PRELID2: variants seen among roughly 807,000 people sequenced by gnomAD.
PRELID2 encodes PRELI domain-containing protein 2.
A neutral mutation model predicts 28.4 loss-of-function variants in PRELID2; 25 were observed. The observed-to-expected ratio is 0.88, with a 90% CI of 0.64 to 1.23. PRELID2 has a LOEUF of 1.23. Among genes scored for constraint, PRELID2 ranks in the 50% most tolerant of loss-of-function variants. The probability of loss-of-function intolerance (pLI) is 0.00; values close to 1 mark genes in which losing one functional copy is unlikely to be tolerated. For synonymous variants in PRELID2, 76 were observed against 71.6 expected, an observed-to-expected ratio of 1.06 and a Z score of -0.31; for missense variants, 201 against 214.4, an observed-to-expected ratio of 0.94 and a Z score of 0.39.
At chr5:145,305,009 A>T in the PRELID2 span, among the ~76,000 whole-genome samples, 1 of 152,206 alleles carries the variant, frequency 6.6e-6, no homozygotes, top group East Asian at 1.9e-4. Context: ...AGAATTTTTT[A>T]AATTTATATC....
At chr5:145,796,082 G>C in intron 5 of PRELID2, 1 of 161,282 alleles carries the variant, frequency 6.2e-6, no homozygotes, top group Middle Eastern at 3.1e-3. Context: ...TTAGCAGTCA[G>C]TAGTACATAG....
intron 1 of PRELID2, among the ~76,000 whole-genome samples, chr5:145,502,121 G>T (rs1752364631): frequency 6.6e-6 from 1 of 152,022 alleles, no homozygotes; most frequent in African/African-American, 2.4e-5. Context: ...TCACAGTTCT[G>T]CAGGCTCTAC....
At chr5:145,471,186 T>C (rs1186983321), downstream of PRELID2, among the ~76,000 whole-genome samples, 1 of 152,112 alleles carries the variant, frequency 6.6e-6, no homozygotes, top group East Asian at 1.9e-4. Flanking sequence ...ACATCCAGGC[T>C]AACTTTTCAC....
At chr5:145,544,060 A>G (rs980097365) in intron 1 of PRELID2, among the ~76,000 whole-genome samples, 3 of 152,104 alleles carry the variant, frequency 2.0e-5, no homozygotes, top group African/African-American at 7.2e-5. Context: ...ATAATAGGAC[A>G]GAGTGAAGCA....
the PRELID2 span, among the ~76,000 whole-genome samples, chr5:145,406,105 A>T: frequency 2.0e-5 from 3 of 151,904 alleles, no homozygotes; most frequent in Admixed American, 1.3e-4. Flanking sequence ...GAGCAATCTA[A>T]CCCTATGATC....
the PRELID2 span, among the ~76,000 whole-genome samples, chr5:145,385,136 T>C: frequency 6.6e-6 from 1 of 152,186 alleles, no homozygotes; most frequent in East Asian, 1.9e-4. Flanking sequence ...AATTATACAC[T>C]TATAGTCTGC....
At chr5:145,762,812 CAA>C (rs537624379) in intron 6 of PRELID2, among the ~76,000 whole-genome samples, 36 of 152,280 alleles carry the variant, frequency 2.4e-4, no homozygotes, top group African/African-American at 8.4e-4. Context: ...TCCTATTAAT[CAA>C]AAGTTGACCG....
At chr5:145,428,690 A>G in the PRELID2 span, among the ~76,000 whole-genome samples, 1 of 152,290 alleles carries the variant, frequency 6.6e-6, no homozygotes, top group East Asian at 1.9e-4. Context: ...TAATAATAAT[A>G]ATGAAAAACA....
chr5:145,745,477 A>G (rs978925030), intron 1 of PRELID2, among the ~76,000 whole-genome samples: 2 of 152,246 alleles, frequency 1.3e-5, no homozygotes, highest in African/African-American at 4.8e-5. Context: ...CAGGTCACCT[A>G]CAAAGGGAAG....
At chr5:145,787,237 G>T (rs1414378750) in intron 5 of PRELID2, among the ~76,000 whole-genome samples, 1 of 152,158 alleles carries the variant, frequency 6.6e-6, no homozygotes, top group Admixed American at 6.5e-5. Flanking sequence ...TAAAGATTCA[G>T]ACAAACTAGG....
At chr5:145,560,340 C>T (rs1223074256) in intron 1 of PRELID2, among the ~76,000 whole-genome samples, 1 of 152,188 alleles carries the variant, frequency 6.6e-6, no homozygotes, top group Non-Finnish European at 1.5e-5. Context: ...ACTGTAGTTT[C>T]ATTATTATAT....
the PRELID2 span, among the ~76,000 whole-genome samples, chr5:145,309,513 C>A: frequency 5.3e-5 from 8 of 152,060 alleles, no homozygotes; most frequent in African/African-American, 1.9e-4. Flanking sequence ...ACTTTGGGAG[C>A]CAGTTGTACC....
At chr5:145,451,403 C>A in the PRELID2 span, among the ~76,000 whole-genome samples, 1 of 152,184 alleles carries the variant, frequency 6.6e-6, no homozygotes. Flanking sequence ...GTTTTCTGAA[C>A]AACTAGAACA....
chr5:145,349,291 T>C, the PRELID2 span, among the ~76,000 whole-genome samples: 1 of 152,192 alleles, frequency 6.6e-6, no homozygotes, highest in Non-Finnish European at 1.5e-5. Flanking sequence ...TTTAAATATT[T>C]TTTTTCAGAA....
At chr5:145,572,065 TATA>T (rs979585770) in intron 1 of PRELID2, among the ~76,000 whole-genome samples, 4 of 152,144 alleles carry the variant, frequency 2.6e-5, no homozygotes, top group African/African-American at 7.2e-5. Context: ...ACTTTATCTG[TATA>T]ATAAGAACCT....
At chr5:145,394,507 C>T in the PRELID2 span, among the ~76,000 whole-genome samples, 2 of 152,022 alleles carry the variant, frequency 1.3e-5, no homozygotes, top group East Asian at 3.9e-4. Context: ...GGGTGCAGCA[C>T]ACCAACATGG....
chr5:145,607,266 G>A (rs1753519144), intron 1 of PRELID2, among the ~76,000 whole-genome samples: 1 of 151,910 alleles, frequency 6.6e-6, no homozygotes, highest in Admixed American at 6.6e-5. Context: ...TCTGATTTTT[G>A]TTATTTCTTG....
At chr5:145,649,302 T>A (rs1479232199) in intron 1 of PRELID2, among the ~76,000 whole-genome samples, 1 of 152,136 alleles carries the variant, frequency 6.6e-6, no homozygotes, top group Non-Finnish European at 1.5e-5. Flanking sequence ...AGGGGCGGGA[T>A]CCGGAACCAA....
chr5:145,310,750 A>T, the PRELID2 span, among the ~76,000 whole-genome samples: 1 of 152,108 alleles, frequency 6.6e-6, no homozygotes, highest in East Asian at 1.9e-4. Flanking sequence ...TTCAAAATGC[A>T]TCTTCGTAAA....
Sources: allele counts gnomAD v4.1 joint callset (sites outside exome capture counted in the v4.1 genomes callset), GRCh38; gene constraint gnomAD v4.1.1; transcripts MANE v1.5; gene names NCBI Gene and HGNC (gene_info 2026-07-23, HGNC 2026-07-21).